Variants in C12orf54 observed in about 807,000 individuals in gnomAD.
The protein encoded by C12orf54 is chromosome 12 open reading frame 54.
Under a neutral mutation model 26.4 loss-of-function variants are expected in C12orf54, and 24 were observed. The observed-to-expected ratio is 0.91, with a 90% CI of 0.66 to 1.28. C12orf54 has a LOEUF of 1.28. Among genes scored for constraint, C12orf54 ranks in the 50% most tolerant of loss-of-function variants. C12orf54 has a pLI of 0.00. For missense variants in C12orf54, 154 were observed against 150.9 expected, an observed-to-expected ratio of 1.02 and a Z score of -0.11; for synonymous variants, 54 against 47.0, an observed-to-expected ratio of 1.15 and a Z score of -0.61.
At chr12:48,453,295 C>A in the C12orf54 span, among the ~76,000 whole-genome samples, 1 of 151,756 alleles carries the variant, frequency 6.6e-6, no homozygotes, top group African/African-American at 2.4e-5. Context: ...GATGAGAACA[C>A]GTGGATACAC....
intron 7 of C12orf54, among the ~76,000 whole-genome samples, chr12:48,493,923 T>TA (rs71080114): frequency 0.34 from 50,316 of 148,464 alleles, 8,661 homozygotes; most frequent in Non-Finnish European, 0.36. Context: ...AAATAATGTT[T>TA]AAAAAAAAAA....
intron 3 of C12orf54, 112 bp downstream of exon 3, chr12:48,486,320 G>T: frequency 8.8e-7 from 1 of 1,140,574 alleles, no homozygotes. Context: ...CCTGACAAGG[G>T]ACAGGGTGCC....
the C12orf54 span, among the ~76,000 whole-genome samples, chr12:48,443,233 T>C: frequency 6.6e-6 from 1 of 152,204 alleles, no homozygotes; most frequent in African/African-American, 2.4e-5. Context: ...TTAAGGCTAC[T>C]AGAGAGTGTT....
At chr12:48,441,441 C>T in the C12orf54 span, among the ~76,000 whole-genome samples, 7 of 151,862 alleles carry the variant, frequency 4.6e-5, no homozygotes, top group Non-Finnish European at 7.4e-5. Context: ...CCAGCCTGGG[C>T]GACCAAAAGA....
chr12:48,414,889 A>T, the C12orf54 span, among the ~76,000 whole-genome samples: 1 of 152,196 alleles, frequency 6.6e-6, no homozygotes, highest in African/African-American at 2.4e-5. Flanking sequence ...ATACACCTGC[A>T]TGCACACATA....
At chr12:48,445,185 AT>A in the C12orf54 span, among the ~76,000 whole-genome samples, 39 of 151,292 alleles carry the variant, frequency 2.6e-4, no homozygotes, top group South Asian at 6.3e-4. Context: ...AAAAAAAAAA[AT>A]TAATACATTG....
chr12:48,418,173 T>C, the C12orf54 span, among the ~76,000 whole-genome samples: 3 of 152,060 alleles, frequency 2.0e-5, no homozygotes, highest in Admixed American at 1.3e-4. Flanking sequence ...ACGTTGGGAA[T>C]AGGGATTCCT....
the C12orf54 span, among the ~76,000 whole-genome samples, chr12:48,430,101 G>T: frequency 1.6e-4 from 25 of 151,790 alleles, no homozygotes; most frequent in Admixed American, 5.3e-4. Context: ...TAAGATAATT[G>T]GCTAGCCACA....
upstream of C12orf54, among the ~76,000 whole-genome samples, chr12:48,479,609 T>C (rs141734885): frequency 0.01 from 1,550 of 151,906 alleles, 13 homozygotes; most frequent in Non-Finnish European, 0.017. Context: ...TTTTGTTTTT[T>C]TTTTTCATAC....
the C12orf54 span, among the ~76,000 whole-genome samples, chr12:48,473,911 C>A: frequency 6.6e-6 from 1 of 152,164 alleles, no homozygotes; most frequent in Non-Finnish European, 1.5e-5. Flanking sequence ...AAATAGCAAC[C>A]TAAAGGTGTA....
the C12orf54 span, among the ~76,000 whole-genome samples, chr12:48,419,416 T>C: frequency 8.5e-4 from 129 of 152,334 alleles, no homozygotes; most frequent in Middle Eastern, 3.4e-3. Flanking sequence ...AGATAACTTA[T>C]GTGCAGTGAT....
At chr12:48,483,564 G>C (rs1295987403) in intron 2 of C12orf54, 1 of 526,932 alleles carries the variant, frequency 1.9e-6, no homozygotes, top group East Asian at 3.2e-5. Context: ...TTTTAATTTA[G>C]AAATCAGGCA....
chr12:48,444,639 C>T, the C12orf54 span, among the ~76,000 whole-genome samples: 1 of 152,034 alleles, frequency 6.6e-6, no homozygotes, highest in Non-Finnish European at 1.5e-5. Flanking sequence ...TTTTTTTTAA[C>T]CCGCTGCTGC....
chr12:48,489,017 T>C (rs1937724158), intron 5 of C12orf54, 61 bp downstream of exon 5: 1 of 1,512,350 alleles, frequency 6.6e-7, no homozygotes, highest in South Asian at 1.1e-5. Flanking sequence ...GATCCCATTT[T>C]TTTTCTTACC....
chr12:48,430,182 G>T, the C12orf54 span, among the ~76,000 whole-genome samples: 2 of 152,048 alleles, frequency 1.3e-5, no homozygotes, highest in African/African-American at 2.4e-5. Context: ...TAAACCTAAG[G>T]CATGAAACTA....
the C12orf54 span, among the ~76,000 whole-genome samples, chr12:48,434,764 G>A: frequency 1.4e-4 from 21 of 152,052 alleles, no homozygotes; most frequent in African/African-American, 3.1e-4. Flanking sequence ...CCATCTGTTC[G>A]TCACCATCAT....
the C12orf54 span, among the ~76,000 whole-genome samples, chr12:48,475,424 G>T: frequency 3.9e-5 from 6 of 152,288 alleles, no homozygotes; most frequent in South Asian, 2.1e-4. Context: ...AGAGAAGAAG[G>T]CTTCAGAAGA....
At chr12:48,435,772 A>G in the C12orf54 span, among the ~76,000 whole-genome samples, 6 of 152,224 alleles carry the variant, frequency 3.9e-5, no homozygotes, top group African/African-American at 1.4e-4. Flanking sequence ...TAAACATGGA[A>G]AGGAACAACC....
the C12orf54 span, chr12:48,472,907 AG>A: frequency 5.6e-6 from 9 of 1,614,210 alleles, no homozygotes; most frequent in Non-Finnish European, 6.8e-6. Context: ...TGGGCCTAGA[AG>A]TATTGGCAGA....
Sources: allele counts gnomAD v4.1 joint callset (sites outside exome capture counted in the v4.1 genomes callset), GRCh38; gene constraint gnomAD v4.1.1; transcripts MANE v1.5; gene names NCBI Gene and HGNC (gene_info 2026-07-23, HGNC 2026-07-21).